The following NFIB variants were observed in gnomAD, a reference collection of about 807,000 sequenced individuals.
NFIB encodes the protein nuclear factor I B.
Under a neutral mutation model 61.5 loss-of-function variants are expected in NFIB, and 11 were observed. The ratio of observed to expected loss-of-function variants is 0.18; its 90% CI spans 0.11 to 0.30. The LOEUF (loss-of-function observed/expected upper bound fraction) is 0.30, where lower values mean the gene tolerates loss of function less well. Among genes scored for constraint, NFIB ranks in the 10% least tolerant of loss-of-function variants. The pLI, the probability that NFIB is intolerant of heterozygous loss-of-function variation, is 1.00. For missense variants in NFIB, 471 were observed against 608.9 expected (o/e 0.77, Z 2.38); for synonymous variants, 260 against 216.5 (o/e 1.20, Z -1.76).
At chr9:14,325,269 TG>T (rs935663295) in intron 1 of NFIB, among the ~76,000 whole-genome samples, 1 of 152,126 alleles carries the variant, frequency 6.6e-6, no homozygotes, top group African/African-American at 2.4e-5. Flanking sequence ...GTGATTCCAG[TG>T]TTTTTAAATG....
At chr9:14,219,208 T>C (rs1475951785) in intron 2 of NFIB, among the ~76,000 whole-genome samples, 1 of 152,136 alleles carries the variant, frequency 6.6e-6, no homozygotes, top group Non-Finnish European at 1.5e-5. Flanking sequence ...GTTTTGCATT[T>C]GTTTGTTTTT....
the NFIB span, among the ~76,000 whole-genome samples, chr9:14,460,482 C>G: frequency 6.6e-6 from 1 of 151,634 alleles, no homozygotes; most frequent in Non-Finnish European, 1.5e-5. Flanking sequence ...CAAACCTGCA[C>G]GTTGTGCACA....
chr9:14,325,063 TGA>T (rs2060737643), intron 1 of NFIB, among the ~76,000 whole-genome samples: 1 of 152,112 alleles, frequency 6.6e-6, no homozygotes, highest in South Asian at 2.1e-4. Context: ...TGCAAAAAAC[TGA>T]GAAGTGTTTT....
chr9:14,498,837 T>TTCCTCCCTTCCTC, the NFIB span, among the ~76,000 whole-genome samples: 2 of 85,612 alleles, frequency 2.3e-5, no homozygotes, highest in East Asian at 3.6e-4. Context: ...CTCCCTTCCT[T>TTCCTCCCTTCCTC]CCTTCCTTCC....
At chr9:14,375,839 A>T (rs921598438) in intron 1 of NFIB, among the ~76,000 whole-genome samples, 8 of 152,126 alleles carry the variant, frequency 5.3e-5, no homozygotes. Flanking sequence ...CAAGTATGGG[A>T]TGGGAAATTA....
chr9:14,121,288 C>G (rs2038899810), intron 7 of NFIB, among the ~76,000 whole-genome samples: 1 of 152,154 alleles, frequency 6.6e-6, no homozygotes. Flanking sequence ...AACATTTTGT[C>G]TCATAAGCCC....
At chr9:14,100,496 T>C (rs935410967) in intron 10 of NFIB, among the ~76,000 whole-genome samples, 2 of 152,048 alleles carry the variant, frequency 1.3e-5, no homozygotes, top group African/African-American at 4.8e-5. Context: ...ATCACGAGGT[T>C]AGGAGATCGA....
chr9:14,095,976 CCATTT>C (rs2034716720), intron 10 of NFIB, among the ~76,000 whole-genome samples: 1 of 152,026 alleles, frequency 6.6e-6, no homozygotes, highest in Non-Finnish European at 1.5e-5. Context: ...TAAGATTTTG[CCATTT>C]CTTTTATCAT....
chr9:14,345,100 G>A (rs1279391281), intron 1 of NFIB, among the ~76,000 whole-genome samples: 4 of 152,120 alleles, frequency 2.6e-5, no homozygotes, highest in Admixed American at 6.5e-5. Flanking sequence ...TGGGGGAACT[G>A]GCCATTAACA....
In NFIB at chr9:14,120,635, C is replaced by A. The variant is rs1337318122; in HGVS notation, c.1061-11G>T. The A allele has an allele frequency of 1.3e-6, 2 of 1,585,842 alleles. No individual in the cohort carries two copies. The highest frequency in any genetic ancestry group is 4.5e-5 in the East Asian group (2 of 44,554). On this transcript the variant is annotated splice_polypyrimidine_tract_variant and intron_variant, in intron 7 of 10. Transcript: ENST00000380953. The surrounding 1 kb of genome is among the most constrained non-coding windows in gnomAD (Gnocchi z 4.4). ...TTCGAGTTGAGATGACTGCAGAAGA[C>A]AGAAAAGGAAAGATTGACTCATCAG...
At chr9:14,468,008 G>A in the NFIB span, among the ~76,000 whole-genome samples, 4 of 152,208 alleles carry the variant, frequency 2.6e-5, no homozygotes, top group Admixed American at 1.3e-4. Context: ...CTTTACTCAA[G>A]GAAGAGTAAT....
At chr9:14,116,093 C>G (rs1202129859) in intron 9 of NFIB, 115 bp downstream of exon 9, 27 of 1,238,710 alleles carry the variant, frequency 2.2e-5, no homozygotes, top group Non-Finnish European at 2.6e-5. Context: ...GGTCAGGTAG[C>G]TGGAAAAATT....
rs1427616256 is a variant in NFIB at position 14,085,846 on chromosome 9, G to A, written c.*2463C>T. 4.5e-6 allele frequency: 1 copy of A among 222,606 alleles called. No homozygotes were observed. The highest frequency in any genetic ancestry group is 2.2e-5 in the African/African-American group (1 of 44,878). The allele number at this position is 222,606 out of a possible 1,614,324, so 13.8% of individuals were successfully genotyped here. ...CCAACAGGTCTAATGTGTTTTCTAG[G>A]AGAAAGAATATTCATGTGTTAAACT... On this transcript the variant is annotated 3_prime_UTR_variant, in exon 11 of 11. Coordinates refer to ENST00000380953, the MANE Select transcript of NFIB (RefSeq NM_001190737.2).
chr9:14,239,045 A>C (rs572477307), intron 2 of NFIB, among the ~76,000 whole-genome samples: 2 of 152,230 alleles, frequency 1.3e-5, no homozygotes, highest in Non-Finnish European at 2.9e-5. Context: ...TATAATAGGA[A>C]AAGGAGTTAC....
At chr9:14,423,599 C>G in the NFIB span, among the ~76,000 whole-genome samples, 742 of 152,320 alleles carry the variant, frequency 4.9e-3, 8 homozygotes, top group African/African-American at 0.017. Context: ...CTGCCATTTC[C>G]TCTCATCCAT....
intron 2 of NFIB, among the ~76,000 whole-genome samples, chr9:14,241,147 C>T (rs1190379184): frequency 6.6e-6 from 1 of 152,196 alleles, no homozygotes; most frequent in Non-Finnish European, 1.5e-5. Context: ...CGGCAATTAC[C>T]TGCCATTTAA....
the NFIB span, among the ~76,000 whole-genome samples, chr9:14,437,224 T>C: frequency 2.0e-5 from 3 of 152,180 alleles, no homozygotes; most frequent in Non-Finnish European, 4.4e-5. Flanking sequence ...ACCAACAATA[T>C]CCAAATGTAA....
At chr9:14,309,194 T>C (rs1181397120) in intron 1 of NFIB, among the ~76,000 whole-genome samples, 3 of 152,154 alleles carry the variant, frequency 2.0e-5, no homozygotes, top group African/African-American at 7.2e-5. Flanking sequence ...ATTAGGTAAA[T>C]ATGATGAAAG....
intron 2 of NFIB, among the ~76,000 whole-genome samples, chr9:14,284,595 T>C (rs549045699): frequency 5.6e-4 from 85 of 152,196 alleles, no homozygotes; most frequent in Non-Finnish European, 8.8e-4. Context: ...AAAAAACTTA[T>C]GGAAACTAAA....
Sources: allele counts gnomAD v4.1 joint callset (sites outside exome capture counted in the v4.1 genomes callset), GRCh38; gene constraint gnomAD v4.1.1; non-coding constraint Gnocchi (gnomAD v3.1); transcripts MANE v1.5; gene names NCBI Gene and HGNC (gene_info 2026-07-23, HGNC 2026-07-21).